Variants in PCDH15 observed in about 807,000 individuals in gnomAD.
PCDH15 encodes the protein protocadherin related 15.
A neutral mutation model predicts 178.5 loss-of-function variants in PCDH15; 129 were observed. The ratio of observed to expected loss-of-function variants is 0.72; its 90% CI spans 0.63 to 0.84. The LOEUF (loss-of-function observed/expected upper bound fraction) is 0.84. PCDH15 is among the 40% of genes least tolerant of loss of function. The pLI, the probability that PCDH15 is intolerant of heterozygous loss-of-function variation, is 0.00. For synonymous variants in PCDH15, 800 were observed against 732.0 expected (o/e 1.09, Z -1.50); for missense variants, 2,230 against 2,099.9 (o/e 1.06, Z -1.21).
intron 25 of PCDH15, among the ~76,000 whole-genome samples, chr10:53,920,268 AC>A (rs147345275): frequency 0.012 from 1,786 of 152,216 alleles, 30 homozygotes; most frequent in African/African-American, 0.038. Flanking sequence ...ATCACCATAC[AC>A]CTATAAAACA....
rs531991679 is a variant in PCDH15 at position 54,076,022 on chromosome 10, G to T, written c.2091+3309C>A. ...CATCATTGGGATTTTAATAGAAATT[G>T]CAGTAAATCTGTAGATTGCTTGGGA... On this transcript the variant is annotated intron_variant, in intron 17 of 37. Transcript: ENST00000644397. 3.5e-4 allele frequency among the ~76,000 whole-genome samples: 53 copies of T among 152,158 alleles called. No homozygotes were observed. The South Asian group carries it at 0.011, about 31-fold the overall frequency.
chr10:55,219,467 T>C lies in PCDH15; in HGVS notation c.-155-52816A>G, dbSNP rs1317928433. ...TATGTACCTAAAGTTCATGATACTT[T>C]ATTATTGCTTTTTTCTTGCATACAT... is the stretch of plus-strand genomic sequence containing the variant. On this transcript the variant is annotated intron_variant, in intron 1 of 5. Coordinates refer to the PCDH15 transcript ENST00000458638. Among the ~76,000 whole-genome samples the C allele has an allele frequency of 2.0e-5, 3 of 151,936 alleles. 1 individual carries two copies. Among genetic ancestry groups the C allele is most frequent in the African/African-American group, 7.3e-5 (3 of 41,334 alleles).
chr10:54,679,177 G>A (rs2094851535), intron 1 of PCDH15, among the ~76,000 whole-genome samples: 1 of 123,206 alleles, frequency 8.1e-6, no homozygotes, highest in Non-Finnish European at 1.6e-5. Flanking sequence ...GAGACACAGC[G>A]AGACTCCGTC....
rs753241301 is a variant in PCDH15, at chr10:54,240,838, G to T, written c.877-3907C>A. On this transcript the variant is annotated intron_variant, in intron 8 of 37. Coordinates refer to ENST00000644397, the MANE Select transcript of PCDH15 (RefSeq NM_001384140.1). ...AGGAGAGACGGGGTTTCACCGTGTT[G>T]GCCAGGATGGTCTGGATCTCTTGAC... Among the ~76,000 whole-genome samples the T allele has an allele frequency of 2.5e-4, 38 of 151,810 alleles. 1 individual carries two copies. Among genetic ancestry groups the T allele is most frequent in the Middle Eastern group, 6.8e-3 (2 of 294 alleles).
intron 1 of PCDH15, among the ~76,000 whole-genome samples, chr10:54,725,352 TA>T (rs1173638755): frequency 2.7e-5 from 4 of 150,544 alleles, no homozygotes; most frequent in Non-Finnish European, 4.4e-5. Flanking sequence ...CGAAATTTAG[TA>T]ATGAACTGAA....
At chr10:55,474,926 C>T (rs1840034034) in intron 2 of PCDH15, among the ~76,000 whole-genome samples, 1 of 152,086 alleles carries the variant, frequency 6.6e-6, no homozygotes, top group African/African-American at 2.4e-5. Context: ...TCCAAATTTC[C>T]AAAGAGCTTG....
At chr10:55,320,374 C>T (rs1383769192), upstream of PCDH15, among the ~76,000 whole-genome samples, 1 of 152,054 alleles carries the variant, frequency 6.6e-6, no homozygotes. Context: ...ACCATGCCCC[C>T]ACCACCACCA....
intron 1 of PCDH15, among the ~76,000 whole-genome samples, chr10:54,718,965 G>T (rs145015865): frequency 6.6e-6 from 1 of 151,658 alleles, no homozygotes. Context: ...AAAGTGCTAG[G>T]ATTACAGGCA....
In PCDH15 at chr10:54,932,407, G is replaced by A. The variant is rs371906085; in HGVS notation, c.-79-34907C>T. Among the ~76,000 whole-genome samples, 3 of 152,320 alleles carry A rather than the reference G, an allele frequency of 2.0e-5. No homozygotes were observed. The East Asian group carries it at 5.8e-4, about 29-fold the overall frequency. ...ACATATTTTTGTACAGCTGTATGAT[G>A]TGTTTGTTTTAAGCTAACTCTCATT... On this transcript the variant is annotated intron_variant, in intron 2 of 5. Coordinates refer to the PCDH15 transcript ENST00000458638.
chr10:54,354,995 C>G (rs1944742779), intron 5 of PCDH15, among the ~76,000 whole-genome samples: 2 of 151,876 alleles, frequency 1.3e-5, no homozygotes, highest in Non-Finnish European at 2.9e-5. Flanking sequence ...AAGCTGAAGT[C>G]TCAATAATGT....
Position 54,952,969 on chromosome 10 carries a change from T to A in PCDH15, c.-79-55469A>T, listed in dbSNP as rs554510345. On this transcript the variant is annotated intron_variant, in intron 2 of 5. Coordinates refer to the PCDH15 transcript ENST00000458638. ...GACAGTTTTATTCTTTTCTTCCCAA[T>A]CTGTATTTTTAAAAGTTTCTATTTC... 5.3e-5 allele frequency among the ~76,000 whole-genome samples: 8 copies of A among 151,774 alleles called. No individual in the cohort carries two copies. The South Asian group carries it at 1.7e-3, about 31-fold the overall frequency.
At chr10:54,660,549 C>A (rs2094474723) in intron 2 of PCDH15, among the ~76,000 whole-genome samples, 1 of 151,980 alleles carries the variant, frequency 6.6e-6, no homozygotes, top group African/African-American at 2.4e-5. Flanking sequence ...AGAGCTAGTA[C>A]CCATCTTGTA....
intron 2 of PCDH15, among the ~76,000 whole-genome samples, chr10:55,106,882 C>A (rs1364164826): frequency 6.6e-6 from 1 of 152,168 alleles, no homozygotes; most frequent in Admixed American, 6.5e-5. Context: ...CTCAACTTAA[C>A]TCCTCCCAAG....
chr10:55,391,021 G>A lies in PCDH15; in HGVS notation c.-155-224370C>T, dbSNP rs138122036. Among the ~76,000 whole-genome samples the A allele has an allele frequency of 2.3e-3, 351 of 152,270 alleles. 1 individual carries two copies. The highest frequency in any genetic ancestry group is 7.9e-3 in the African/African-American group (327 of 41,564). On this transcript the variant is annotated intron_variant, in intron 2 of 5. Coordinates refer to the PCDH15 transcript ENST00000613346. ...CATTAGCCCAATAACAAGAAAGTCA[G>A]CCTATCCTTTGAAGCTTTCCAGCCA...
rs527853216 is a variant in PCDH15 at position 54,532,556 on chromosome 10, T to C, written c.92-4679A>G. Reference sequence around the variant, plus strand: ...ACGGTTGTGTCCACAGGGCAGATTTTCCTGGCACATTTTTGATTCCAAGCA... The same window carrying C: ...ACGGTTGTGTCCACAGGGCAGATTTCCCTGGCACATTTTTGATTCCAAGCA... On this transcript the variant is annotated intron_variant, in intron 2 of 37. Transcript: ENST00000644397. Among the ~76,000 whole-genome samples the C allele has an allele frequency of 3.9e-5, 6 of 152,312 alleles. No individual in the cohort carries two copies. The East Asian group carries it at 1.2e-3, about 29-fold the overall frequency.
At chr10:55,461,728 T>A (rs1258899312) in intron 2 of PCDH15, among the ~76,000 whole-genome samples, 3 of 152,126 alleles carry the variant, frequency 2.0e-5, no homozygotes, top group Non-Finnish European at 4.4e-5. Flanking sequence ...ACCGAGGTTG[T>A]TAAATTTTTA....
intron 11 of PCDH15, among the ~76,000 whole-genome samples, chr10:54,189,618 T>C (rs2048783235): frequency 1.3e-5 from 2 of 152,154 alleles, no homozygotes; most frequent in Admixed American, 6.6e-5. Flanking sequence ...TACCTCTTCA[T>C]AGTAAAATAA....
At chr10:55,288,664 G>A (rs898159482) in intron 1 of PCDH15, among the ~76,000 whole-genome samples, 8 of 151,922 alleles carry the variant, frequency 5.3e-5, no homozygotes, top group East Asian at 3.9e-4. Flanking sequence ...TCCACTTAGC[G>A]AATGTTTTCC....
At chr10:54,862,969 T>G (rs1284978962) in intron 3 of PCDH15, among the ~76,000 whole-genome samples, 1 of 152,154 alleles carries the variant, frequency 6.6e-6, no homozygotes, top group Non-Finnish European at 1.5e-5. Flanking sequence ...AAATAAAATT[T>G]TATCTATTAT....
Sources: gnomAD v4.1 joint callset for allele counts (sites outside exome capture counted in the v4.1 genomes callset) on GRCh38, gnomAD v4.1.1 for gene constraint, MANE v1.5 for transcripts, NCBI Gene and HGNC (gene_info 2026-07-23, HGNC 2026-07-21) for gene names.